UGT1A4: variants seen among roughly 807,000 people sequenced by gnomAD.
UGT1A4 encodes UDP-glucuronosyltransferase 1A4.
In UGT1A4, 32 loss-of-function variants were observed where a neutral mutation model predicts 41.1. The ratio of observed to expected loss-of-function variants is 0.78; its 90% CI spans 0.59 to 1.05. The LOEUF is 1.05. Ranked by LOEUF, UGT1A4 falls within the 50% of genes least tolerant of loss-of-function variation. UGT1A4 has a pLI of 0.00. For missense variants in UGT1A4, 748 were observed against 677.4 expected (o/e 1.10, Z -1.16); for synonymous variants, 283 against 265.1 (o/e 1.07, Z -0.66).
intron 1 of UGT1A4, chr2:233,760,371 G>C (rs995864584): frequency 6.2e-7 from 1 of 1,614,040 alleles, no homozygotes. Flanking sequence ...CCCATGCTGG[G>C]AAGATACTGT....
At chr2:233,751,929 T>C (rs1393855329) in intron 1 of UGT1A4, among the ~76,000 whole-genome samples, 1 of 152,160 alleles carries the variant, frequency 6.6e-6, no homozygotes, top group South Asian at 2.1e-4. Flanking sequence ...TTGGTGGTGA[T>C]TGAAGTTATA....
At chr2:233,725,215 C>G (rs1487154592) in intron 1 of UGT1A4, among the ~76,000 whole-genome samples, 2 of 85,916 alleles carry the variant, frequency 2.3e-5, no homozygotes, top group African/African-American at 2.0e-4. Context: ...GAGGCAGAGG[C>G]AGAGGAGGCA....
intron 1 of UGT1A4, among the ~76,000 whole-genome samples, chr2:233,726,716 T>C (rs546308876): frequency 1.3e-5 from 2 of 152,344 alleles, no homozygotes; most frequent in East Asian, 3.9e-4. Flanking sequence ...TTTGAGGAAG[T>C]ACAATGTAGA....
chr2:233,723,516 CTTTTTT>C (rs1162916866), intron 1 of UGT1A4, among the ~76,000 whole-genome samples: 5 of 85,406 alleles, frequency 5.9e-5, no homozygotes, highest in African/African-American at 2.4e-4. Context: ...GGTCAACAAT[CTTTTTT>C]TTTTTTTTTT....
chr2:233,726,986 T>C (rs749944838), intron 1 of UGT1A4, among the ~76,000 whole-genome samples: 1 of 152,226 alleles, frequency 6.6e-6, no homozygotes, highest in Non-Finnish European at 1.5e-5. Flanking sequence ...TTTGATGAGG[T>C]TCTTTCTAGC....
rs112908387 is a variant in UGT1A4, at chr2:233,772,904, C to T, written c.*345C>T. On this transcript the variant is annotated 3_prime_UTR_variant, in exon 5 of 5. Transcript: ENST00000373409. ...GATTCAAAGGTGGTCCCACGGCTGCCCCTACTGCAAATGGCAGTTTTAATC... is the reference window on the plus strand; with the variant it reads ...GATTCAAAGGTGGTCCCACGGCTGCTCCTACTGCAAATGGCAGTTTTAATC... 5 of 414,970 alleles carry T rather than the reference C, an allele frequency of 1.2e-5. No individual in the cohort carries two copies. The highest frequency in any genetic ancestry group is 6.1e-5 in the African/African-American group (3 of 48,900). 25.7% of individuals were successfully genotyped at this position (414,970 alleles called of 1,614,324 possible).
chr2:233,744,048 C>T (rs982904755), intron 1 of UGT1A4: 4 of 712,778 alleles, frequency 5.6e-6, no homozygotes, highest in Non-Finnish European at 8.0e-6. Context: ...AGCCACATCT[C>T]ATTGGTCGAG....
At chr2:233,761,732 T>TC (rs1575783874) in intron 1 of UGT1A4, among the ~76,000 whole-genome samples, 1 of 152,336 alleles carries the variant, frequency 6.6e-6, no homozygotes, top group East Asian at 1.9e-4. Flanking sequence ...GGTTTATTTT[T>TC]CCCCTACAGA....
At chr2:233,732,525 T>G (rs775649964) in intron 1 of UGT1A4, among the ~76,000 whole-genome samples, 3 of 152,226 alleles carry the variant, frequency 2.0e-5, no homozygotes, top group Non-Finnish European at 4.4e-5. Context: ...GCTTTCTACA[T>G]ATGGCCAGTT....
intron 1 of UGT1A4, chr2:233,743,388 GCA>G (rs1174910431): frequency 8.1e-7 from 1 of 1,233,944 alleles, no homozygotes; most frequent in Non-Finnish European, 1.1e-6. Context: ...CGTAGGACAT[GCA>G]GAAGGAAGAA....
At chr2:233,733,672 G>A (rs1353617171) in intron 1 of UGT1A4, among the ~76,000 whole-genome samples, 2 of 152,204 alleles carry the variant, frequency 1.3e-5, no homozygotes, top group African/African-American at 4.8e-5. Flanking sequence ...GATCGATGTG[G>A]ATAAACTTTT....
intron 1 of UGT1A4, among the ~76,000 whole-genome samples, chr2:233,736,821 G>A (rs1368702103): frequency 6.6e-6 from 1 of 152,198 alleles, no homozygotes; most frequent in Non-Finnish European, 1.5e-5. Flanking sequence ...CACTCCAGAT[G>A]CTCTTTGCTT....
rs749630489 is a variant in UGT1A4, at chr2:233,719,276, C to A, written c.456C>A (p.Asp152Glu). Residue 152 changes from aspartate to glutamate, a missense_variant, in exon 1 of 5, where the codon GAC (aspartate) becomes GAA (glutamate). By Grantham distance (45) the Asp-to-Glu change is conservative. Coordinates refer to ENST00000373409, the MANE Select transcript of UGT1A4 (RefSeq NM_007120.3). ...CTTCCTTTGATGTGGTTTTAACAGA[C>A]CCCGTTAACCTCTGTGGGGCGGTGC... is the stretch of plus-strand genomic sequence containing the variant. ...NATSFDVVLT[D>E]PVNLCGAVLA... is the part of the protein sequence containing the mutation. 1.5e-5 allele frequency: 25 copies of A among 1,614,000 alleles called. No individual in the cohort carries two copies. The Admixed American group carries it at 3.3e-4, about 22-fold the overall frequency.
intron 4 of UGT1A4, chr2:233,770,806 G>A (rs1700161628): frequency 6.6e-6 from 1 of 152,116 alleles, no homozygotes; most frequent in Admixed American, 6.5e-5. Context: ...TTTAAAGACA[G>A]TGTATTAGGC....
chr2:233,767,017 T>G lies in UGT1A4; in HGVS notation c.868-17T>G, dbSNP rs779272297. On this transcript the variant is annotated splice_polypyrimidine_tract_variant and intron_variant, in intron 1 of 4. Transcript: ENST00000373409. Reference sequence around the variant, plus strand: ...ATATGAGAAAAAATTAACTGAAAATTTTTCTTCTGGCTCTAGGAATTTGAA... The same window carrying G: ...ATATGAGAAAAAATTAACTGAAAATGTTTCTTCTGGCTCTAGGAATTTGAA... The G allele has an allele frequency of 6.2e-7, 1 of 1,613,758 alleles. No individual in the cohort carries two copies. The highest frequency in any genetic ancestry group is 8.5e-7 in the Non-Finnish European group (1 of 1,179,982).
intron 1 of UGT1A4, chr2:233,743,836 C>T (rs62191918): frequency 0.07 from 95,512 of 1,367,130 alleles, 4,650 homozygotes; most frequent in East Asian, 0.2. Context: ...GCCACTTGAG[C>T]GCCAGCTTGC....
At chr2:233,741,761 G>T (rs1691766534) in intron 1 of UGT1A4, 3 of 151,840 alleles carry the variant, frequency 2.0e-5, no homozygotes, top group Admixed American at 6.5e-5. Flanking sequence ...TTAATGATGT[G>T]TTCAGGCCAT....
intron 1 of UGT1A4, among the ~76,000 whole-genome samples, chr2:233,764,842 T>G (rs925133951): frequency 2.6e-5 from 4 of 151,734 alleles, no homozygotes; most frequent in African/African-American, 7.3e-5. Flanking sequence ...GGAGGATGAC[T>G]CTGTCCTCCC....
intron 1 of UGT1A4, chr2:233,740,704 A>G (rs1042428979): frequency 6.6e-6 from 1 of 151,780 alleles, no homozygotes; most frequent in African/African-American, 2.4e-5. Context: ...AGGGATTTCA[A>G]GAGGGTCATC....
Sources: gnomAD v4.1 joint callset for allele counts (sites outside exome capture counted in the v4.1 genomes callset) on GRCh38, gnomAD v4.1.1 for gene constraint, MANE v1.5 for transcripts, NCBI Gene and HGNC (gene_info 2026-07-23, HGNC 2026-07-21) for gene names.